RPF2: variants seen among roughly 807,000 people sequenced by gnomAD.
The protein encoded by RPF2 is ribosome production factor 2 homolog.
RPF2 carries 21 observed loss-of-function variants against 38.9 expected under a neutral mutation model. The observed-to-expected ratio is 0.54, with a 90% CI of 0.38 to 0.78. RPF2 has a LOEUF of 0.78. Ranked by LOEUF, RPF2 falls within the 30% of genes least tolerant of loss-of-function variation. The pLI is 0.00. For missense variants in RPF2, 314 were observed against 358.1 expected (o/e 0.88, Z 0.99); for synonymous variants, 121 against 126.2 (o/e 0.96, Z 0.28).
Position 110,994,734 on chromosome 6 carries a change from T to TATATATATATATATATATATAC in RPF2, c.235-2448_235-2447insTATATATATATATATATATACA, listed in dbSNP as rs1436106936. On this transcript the variant is annotated intron_variant, in intron 4 of 9. Transcript: ENST00000441448. ...TTGTGGAGAATGGGATGAGTATATA[T>TATATATATATATATATATATAC]ACACACACACACACACACACACACA... Among the ~76,000 whole-genome samples the TATATATATATATATATATATAC allele has an allele frequency of 6.7e-4, 90 of 134,108 alleles. 1 individual carries two copies. The highest frequency in any genetic ancestry group is 2.7e-3 in the African/African-American group (85 of 31,220). 88.0% of individuals were successfully genotyped at this position (134,108 alleles called of 152,430 possible).
intron 1 of RPF2, chr6:110,982,383 A>T (rs1055600907): frequency 3.5e-6 from 2 of 569,396 alleles, no homozygotes; most frequent in Admixed American, 3.2e-5. Context: ...TAGCCAGTTG[A>T]AAAACGTCTG....
intron 7 of RPF2, among the ~76,000 whole-genome samples, chr6:111,014,402 G>A (rs1161080951): frequency 1.3e-5 from 2 of 152,182 alleles, no homozygotes; most frequent in African/African-American, 2.4e-5. Context: ...AAAGTGCTGG[G>A]ATTACAGGCA....
At chr6:111,009,427 A>G (rs1771975180) in intron 7 of RPF2, among the ~76,000 whole-genome samples, 1 of 151,610 alleles carries the variant, frequency 6.6e-6, no homozygotes, top group South Asian at 2.1e-4. Flanking sequence ...TCCTGACTTC[A>G]GGCGATCCAC....
chr6:110,990,829 T>C (rs1771608317), intron 3 of RPF2, among the ~76,000 whole-genome samples: 1 of 152,186 alleles, frequency 6.6e-6, no homozygotes, highest in Admixed American at 6.6e-5. Context: ...AGCTTCAGCC[T>C]CTCAAAGTGC....
intron 4 of RPF2, among the ~76,000 whole-genome samples, chr6:110,994,883 A>G (rs527375743): frequency 1.3e-5 from 2 of 152,046 alleles, no homozygotes; most frequent in Admixed American, 1.3e-4. Context: ...AAGTAATTCC[A>G]TTGATTTAGA....
chr6:111,019,090 C>T (rs924123023), intron 8 of RPF2, among the ~76,000 whole-genome samples: 4 of 152,046 alleles, frequency 2.6e-5, no homozygotes, highest in Non-Finnish European at 4.4e-5. Flanking sequence ...TGGCACTGGC[C>T]TCCATGCTAC....
At chr6:111,015,657 T>C in intron 7 of RPF2, 97 bp from the exon 8 acceptor site, 1 of 792,322 alleles carries the variant, frequency 1.3e-6, no homozygotes, top group Non-Finnish European at 2.1e-6. Flanking sequence ...CTTTTTTAGA[T>C]AAGTATTGGA....
chr6:111,015,638 T>C (rs1772094507), intron 7 of RPF2, 116 bp from the exon 8 acceptor site: 3 of 682,066 alleles, frequency 4.4e-6, no homozygotes, highest in Non-Finnish European at 7.6e-6. Context: ...TCAGGAATCA[T>C]TTTTTGTGCT....
intron 6 of RPF2, among the ~76,000 whole-genome samples, chr6:111,002,101 G>A (rs1220230810): frequency 6.6e-6 from 1 of 152,078 alleles, no homozygotes; most frequent in Non-Finnish European, 1.5e-5. Context: ...CCAACATGGT[G>A]AAGCCCCATC....
chr6:110,997,550 G>C (rs1438748058), intron 5 of RPF2, among the ~76,000 whole-genome samples: 1 of 152,070 alleles, frequency 6.6e-6, no homozygotes, highest in Non-Finnish European at 1.5e-5. Flanking sequence ...AGACCAGCCT[G>C]GCCAACATGG....
rs548960587 is a variant in RPF2, at chr6:110,997,062, A to G, written c.235-121A>G. 1.1e-5 allele frequency: 7 copies of G among 659,928 alleles called. No individual in the cohort carries two copies. In the African/African-American group the frequency reaches 1.1e-4, roughly 10 times the overall value. The allele number at this position is 659,928 out of a possible 1,614,324, so 40.9% of individuals were successfully genotyped here. Reference sequence around the variant, plus strand: ...AGTAATCAACTCGCCTCGGCGTCCCAAGTGCTGGGATTACAGGTGTGAGCC... The same window carrying G: ...AGTAATCAACTCGCCTCGGCGTCCCGAGTGCTGGGATTACAGGTGTGAGCC... On this transcript the variant is annotated intron_variant, in intron 4 of 9. Transcript: ENST00000441448.
rs1474573090 is a variant in RPF2 at position 110,983,297 on chromosome 6, T to A, written c.23+1168T>A. Among the ~76,000 whole-genome samples the A allele has an allele frequency of 4.6e-5, 7 of 152,254 alleles. No individual in the cohort carries two copies. In the East Asian group the frequency reaches 1.4e-3, roughly 29 times the overall value. On this transcript the variant is annotated intron_variant, in intron 1 of 9. Coordinates refer to ENST00000441448, the MANE Select transcript of RPF2 (RefSeq NM_032194.3). ...TCAGAATAATGAATTTATTTTCCCT[T>A]CATATTTTACAGGGTAATTGGTCTA...
At position 111,026,045 on chromosome 6, in the gene RPF2, T is replaced by A. The variant is rs1772322488; in HGVS notation, c.*463T>A. On this transcript the variant is annotated 3_prime_UTR_variant, in exon 10 of 10. Coordinates refer to ENST00000441448, the MANE Select transcript of RPF2 (RefSeq NM_032194.3). ...TTTATTTTGCCTGAAATCCTACTCG[T>A]TGACATTTGAGATTTTAAGCTTTGT... is the stretch of plus-strand genomic sequence containing the variant. The A allele has an allele frequency of 6.6e-6, 1 of 152,590 alleles. No individual in the cohort carries two copies. Among genetic ancestry groups the A allele is most frequent in the Non-Finnish European group, 1.5e-5 (1 of 68,322 alleles). 9.5% of individuals were successfully genotyped at this position (152,590 alleles called of 1,614,324 possible). A position where few individuals can be genotyped will look rare whatever the true frequency, so the allele number is the denominator to read the frequency against.
intron 8 of RPF2, among the ~76,000 whole-genome samples, chr6:111,023,847 G>A (rs1480289840): frequency 6.6e-6 from 1 of 152,100 alleles, no homozygotes; most frequent in Non-Finnish European, 1.5e-5. Flanking sequence ...AATTAGCCAG[G>A]TGTGGTGGCG....
In RPF2 at chr6:110,985,028, A is replaced by G. The variant is rs1290291538; in HGVS notation, c.46A>G (p.Lys16Glu). 6.2e-7 allele frequency: 1 copy of G among 1,612,260 alleles called. No individual in the cohort carries two copies. Among genetic ancestry groups the G allele is most frequent in the African/African-American group, 1.3e-5 (1 of 74,878 alleles). The change falls in exon 2 of 10, where the codon AAG becomes GAG. Residue 16 changes from lysine to glutamate, a missense_variant. By Grantham distance (56) the Lys-to-Glu change is moderately conservative (BLOSUM62 1). Coordinates refer to ENST00000441448, the MANE Select transcript of RPF2 (RefSeq NM_032194.3). ...RVVKPKTKRA[K>E]RFLEKREPKL... Reference sequence around the variant, plus strand: ...CAGAAAGCCCAAAACGAAAAGAGCCAAGAGATTCCTTGAGAAGAGAGAACC... The same window carrying G: ...CAGAAAGCCCAAAACGAAAAGAGCCGAGAGATTCCTTGAGAAGAGAGAACC...
At position 110,984,306 on chromosome 6, in the gene RPF2, G is replaced by C. The variant is rs184480717; in HGVS notation, c.24-700G>C. On this transcript the variant is annotated intron_variant, in intron 1 of 9. Coordinates refer to ENST00000441448, the MANE Select transcript of RPF2 (RefSeq NM_032194.3). ...AGTTGATGCTCAATTCTTTGTATTA[G>C]GGTACAGGATACAGTTTGACTACTT... is the stretch of plus-strand genomic sequence containing the variant. Among the ~76,000 whole-genome samples, 171 of 152,032 alleles carry C rather than the reference G, an allele frequency of 1.1e-3. 1 individual carries two copies. The highest frequency in any genetic ancestry group is 2.6e-4 in the Non-Finnish European group (18 of 68,006).
intron 4 of RPF2, among the ~76,000 whole-genome samples, chr6:110,996,260 C>T (rs183846630): frequency 2.6e-5 from 4 of 152,026 alleles, no homozygotes; most frequent in African/African-American, 9.6e-5. Context: ...CTCACTGCAA[C>T]CTCCGCCTCC....
intron 2 of RPF2, among the ~76,000 whole-genome samples, chr6:110,986,489 G>GA (rs1771528114): frequency 1.3e-5 from 2 of 152,220 alleles, no homozygotes; most frequent in South Asian, 4.1e-4. Flanking sequence ...ATGCCAATTA[G>GA]AAAATGTATC....
intron 4 of RPF2, among the ~76,000 whole-genome samples, chr6:110,992,435 G>C (rs1331906374): frequency 6.7e-6 from 1 of 149,634 alleles, no homozygotes; most frequent in Non-Finnish European, 1.5e-5. Flanking sequence ...TCTTCCTTCA[G>C]ATGTTTTTAC....
Sources: gnomAD v4.1 joint callset for allele counts (sites outside exome capture counted in the v4.1 genomes callset) on GRCh38, gnomAD v4.1.1 for gene constraint, MANE v1.5 for transcripts, NCBI Gene and HGNC (gene_info 2026-07-23, HGNC 2026-07-21) for gene names.